KIF16B: variants seen among roughly 807,000 people sequenced by gnomAD.
KIF16B encodes the protein kinesin-like protein KIF16B.
KIF16B carries 98 observed loss-of-function variants against 156.3 expected under a neutral mutation model. The ratio of observed to expected loss-of-function variants is 0.63; its 90% CI spans 0.53 to 0.74. KIF16B has a LOEUF of 0.74. Ranked by LOEUF, KIF16B falls within the 30% of genes least tolerant of loss-of-function variation. The pLI is 0.00. For synonymous variants in KIF16B, 564 were observed against 583.7 expected, an observed-to-expected ratio of 0.97 and a Z score of 0.49; for missense variants, 1,421 against 1,606.5, an observed-to-expected ratio of 0.88 and a Z score of 1.97.
intron 19 of KIF16B, 143 bp from the exon 20 acceptor site, chr20:16,374,552 GC>G: frequency 1.4e-6 from 1 of 711,300 alleles, no homozygotes; most frequent in Non-Finnish European, 2.0e-6. Flanking sequence ...TAGAAAAGGT[GC>G]CACATACCCA....
rs1047949920 is a variant in KIF16B, at chr20:16,503,525, G to A, written c.1176+847C>T. Among the ~76,000 whole-genome samples, 53 of 152,126 alleles carry A rather than the reference G, an allele frequency of 3.5e-4. 1 individual carries two copies. Among genetic ancestry groups the A allele is most frequent in the Non-Finnish European group, 1.0e-4 (7 of 68,018 alleles). Reference sequence around the variant, plus strand: ...AGCTTCAAGTGCCACATAATCCCACGTGGAAAGCACTGCTCCAACGGGACC... The same window carrying A: ...AGCTTCAAGTGCCACATAATCCCACATGGAAAGCACTGCTCCAACGGGACC... On this transcript the variant is annotated intron_variant, in intron 10 of 25. Transcript: ENST00000354981.
At chr20:16,317,618 G>A (rs1263226561) in intron 24 of KIF16B, among the ~76,000 whole-genome samples, 1 of 152,194 alleles carries the variant, frequency 6.6e-6, no homozygotes, top group African/African-American at 2.4e-5. Flanking sequence ...AGATGGTGGA[G>A]CAATGACTCG....
At chr20:16,387,941 CT>C in intron 17 of KIF16B, among the ~76,000 whole-genome samples, 1 of 152,292 alleles carries the variant, frequency 6.6e-6, no homozygotes, top group Non-Finnish European at 1.5e-5. Context: ...TTGCTCTGGC[CT>C]CTGAAGGTAG....
chr20:16,312,529 A>G (rs556193964), intron 24 of KIF16B, 111 bp from the exon 25 acceptor site: 49 of 815,770 alleles, frequency 6.0e-5, no homozygotes, highest in Non-Finnish European at 9.2e-5. Flanking sequence ...AAAGAGGCTG[A>G]AAGTTTAAAG....
intron 25 of KIF16B, among the ~76,000 whole-genome samples, chr20:16,281,639 A>G (rs553017527): frequency 2.6e-5 from 4 of 152,274 alleles, no homozygotes; most frequent in African/African-American, 7.2e-5. Context: ...CATGCTCCCA[A>G]ATGTGCTCCA....
At chr20:16,278,699 T>G (rs2063100423) in intron 25 of KIF16B, among the ~76,000 whole-genome samples, 1 of 152,088 alleles carries the variant, frequency 6.6e-6, no homozygotes, top group Admixed American at 6.6e-5. Context: ...TGTACAGGAC[T>G]ATGAGCTTTT....
chr20:16,501,982 T>C (rs565577705), intron 10 of KIF16B, among the ~76,000 whole-genome samples: 1 of 152,294 alleles, frequency 6.6e-6, no homozygotes, highest in South Asian at 2.1e-4. Context: ...CACATATAAC[T>C]TGCAATTTTG....
At chr20:16,390,020 C>T (rs1021874976) in intron 17 of KIF16B, among the ~76,000 whole-genome samples, 7 of 152,072 alleles carry the variant, frequency 4.6e-5, no homozygotes, top group African/African-American at 7.3e-5. Flanking sequence ...AATTACAATT[C>T]GAGGGGTGTG....
chr20:16,472,737 C>G (rs1158806966), intron 12 of KIF16B, among the ~76,000 whole-genome samples: 3 of 152,112 alleles, frequency 2.0e-5, no homozygotes, highest in Non-Finnish European at 4.4e-5. Flanking sequence ...GAGAACAAAC[C>G]TCTCGGCTGA....
chr20:16,399,638 G>A (rs148956845), intron 17 of KIF16B, among the ~76,000 whole-genome samples: 4 of 152,302 alleles, frequency 2.6e-5, no homozygotes, highest in South Asian at 2.1e-4. Context: ...GTGTCTGATC[G>A]TTGACGGAGT....
intron 12 of KIF16B, among the ~76,000 whole-genome samples, chr20:16,441,280 G>A (rs1291221835): frequency 6.6e-6 from 1 of 152,112 alleles, no homozygotes; most frequent in Non-Finnish European, 1.5e-5. Flanking sequence ...CTCACCCACG[G>A]AAATACGTCA....
intron 12 of KIF16B, among the ~76,000 whole-genome samples, chr20:16,490,428 C>T (rs2068253819): frequency 6.6e-6 from 1 of 152,086 alleles, no homozygotes; most frequent in South Asian, 2.1e-4. Context: ...GTAATCCCAG[C>T]TACTCAGGAG....
At chr20:16,381,837 G>A (rs1227658633) in intron 17 of KIF16B, 90 bp from the exon 18 acceptor site, 1 of 1,075,248 alleles carries the variant, frequency 9.3e-7, no homozygotes, top group Non-Finnish European at 1.3e-6. Flanking sequence ...ATATTAAAAA[G>A]GGCATCAGTT....
At chr20:16,279,115 AC>A (rs753781537) in intron 25 of KIF16B, among the ~76,000 whole-genome samples, 8 of 152,238 alleles carry the variant, frequency 5.3e-5, no homozygotes, top group East Asian at 1.9e-4. Flanking sequence ...ACTGCCCTGT[AC>A]CCATTTCCCT....
chr20:16,428,900 T>A, intron 14 of KIF16B, 53 bp downstream of exon 14: 3 of 1,494,398 alleles, frequency 2.0e-6, no homozygotes, highest in Non-Finnish European at 2.8e-6. Context: ...AGTTCTTCCT[T>A]GAATACAACC....
In KIF16B at chr20:16,378,992, C is replaced by A. The variant is rs891107624; in HGVS notation, c.3010G>T (p.Ala1004Ser). ...LESREKQQRE[A>S]LERALARLER... Reference sequence around the variant, plus strand: ...AGCCTGGCCAGGGCCCGCTCCAGCGCCTCTCTCTGCTGCTTCTCTCTGGAC... The same window carrying A: ...AGCCTGGCCAGGGCCCGCTCCAGCGACTCTCTCTGCTGCTTCTCTCTGGAC... The change falls in exon 19 of 26, where the codon GCG (alanine) becomes TCG (serine). Residue 1004 changes from alanine to serine, a missense_variant. Transcript: ENST00000354981. 8.7e-6 allele frequency: 14 copies of A among 1,613,848 alleles called. No homozygotes were observed. Among genetic ancestry groups the A allele is most frequent in the Non-Finnish European group, 5.1e-6 (6 of 1,179,908 alleles).
intron 25 of KIF16B, among the ~76,000 whole-genome samples, chr20:16,278,169 A>C (rs1296517062): frequency 6.6e-6 from 1 of 152,172 alleles, no homozygotes; most frequent in African/African-American, 2.4e-5. Flanking sequence ...GGGAAAGAGA[A>C]GAGGCCGAGA....
chr20:16,310,952 A>G lies in KIF16B; in HGVS notation c.3795+1383T>C, dbSNP rs114803160. 3.3e-3 allele frequency among the ~76,000 whole-genome samples: 496 copies of G among 152,296 alleles called. 3 individuals are homozygous for G. The highest frequency in any genetic ancestry group is 0.011 in the African/African-American group (468 of 41,562). Reference sequence around the variant, plus strand: ...ATAGACAACAACCTCCCAGTCTTCAATTTCTCCTTTGCTCCCACTTCTCTC... The same window carrying G: ...ATAGACAACAACCTCCCAGTCTTCAGTTTCTCCTTTGCTCCCACTTCTCTC... On this transcript the variant is annotated intron_variant, in intron 25 of 25. Coordinates refer to ENST00000354981, the MANE Select transcript of KIF16B (RefSeq NM_024704.5).
At chr20:16,369,361 G>T in intron 22 of KIF16B, 1 of 878,518 alleles carries the variant, frequency 1.1e-6, no homozygotes, top group Non-Finnish European at 1.4e-6. Flanking sequence ...GTTTCATTGG[G>T]TAGATTAATT....
Sources: allele counts gnomAD v4.1 joint callset (sites outside exome capture counted in the v4.1 genomes callset), GRCh38; gene constraint gnomAD v4.1.1; transcripts MANE v1.5; gene names NCBI Gene and HGNC (gene_info 2026-07-23, HGNC 2026-07-21).